Variants in ZNF736 observed in about 807,000 individuals in gnomAD.
The protein encoded by ZNF736 is zinc finger protein 736, also known as KRAB-containing zinc-finger repressor protein.
In ZNF736, 6 loss-of-function variants were observed where a neutral mutation model predicts 11.7. The ratio of observed to expected loss-of-function variants is 0.51; its 90% CI spans 0.28 to 1.01. The LOEUF is 1.01. ZNF736 is among the 50% of genes least tolerant of loss of function. ZNF736 has a pLI of 0.09. For missense variants in ZNF736, 444 were observed against 496.0 expected, an observed-to-expected ratio of 0.90 and a Z score of 1.00; for synonymous variants, 139 against 164.7, an observed-to-expected ratio of 0.84 and a Z score of 1.19.
At chr7:64,316,982 C>T (rs1324169668) in intron 1 of ZNF736, among the ~76,000 whole-genome samples, 4 of 152,134 alleles carry the variant, frequency 2.6e-5, no homozygotes, top group Non-Finnish European at 4.4e-5. Context: ...AAATACATTT[C>T]TACAAGAAAG....
At chr7:64,319,831 T>G (rs1467006224) in intron 1 of ZNF736, among the ~76,000 whole-genome samples, 1 of 152,072 alleles carries the variant, frequency 6.6e-6, no homozygotes, top group Non-Finnish European at 1.5e-5. Context: ...TTTCTAAAAT[T>G]TATCTTTTTC....
intron 1 of ZNF736, among the ~76,000 whole-genome samples, chr7:64,322,654 A>T (rs934643586): frequency 5.9e-5 from 9 of 152,246 alleles, no homozygotes; most frequent in African/African-American, 2.2e-4. Context: ...GTCAACTTTT[A>T]TAAGTTACAC....
At chr7:64,315,833 T>C (rs888565906) in intron 1 of ZNF736, among the ~76,000 whole-genome samples, 11 of 152,234 alleles carry the variant, frequency 7.2e-5, no homozygotes, top group African/African-American at 2.4e-4. Flanking sequence ...AATCACATTA[T>C]GAACTATCAG....
intron 1 of ZNF736, among the ~76,000 whole-genome samples, chr7:64,329,671 C>T (rs1789133136): frequency 6.6e-6 from 1 of 152,130 alleles, no homozygotes; most frequent in Admixed American, 6.5e-5. Flanking sequence ...ACACTAGCAC[C>T]CCTGTGGCCA....
chr7:64,316,650 G>T (rs534706542), intron 1 of ZNF736, among the ~76,000 whole-genome samples: 2 of 152,028 alleles, frequency 1.3e-5, no homozygotes, highest in Non-Finnish European at 2.9e-5. Context: ...ACTTCTCCCT[G>T]TGTTTGTCAC....
Position 64,349,245 on chromosome 7 carries a change from C to T in ZNF736, c.*98C>T. ...TATAAATGTAATGACAGTGGAAGAA[C>T]ATTTATCATCTTAGAGGGTCTCTAA... On this transcript the variant is annotated 3_prime_UTR_variant, in exon 4 of 4. Coordinates refer to ENST00000423484, the MANE Select transcript of ZNF736 (RefSeq NM_001170905.3). 9.0e-7 allele frequency: 1 copy of T among 1,105,044 alleles called. No individual in the cohort carries two copies. The highest frequency in any genetic ancestry group is 1.8e-5 in the South Asian group (1 of 56,906). The allele number at this position is 1,105,044 out of a possible 1,614,324, so 68.5% of individuals were successfully genotyped here.
chr7:64,327,671 G>A (rs908383384), intron 1 of ZNF736, among the ~76,000 whole-genome samples: 3 of 151,904 alleles, frequency 2.0e-5, no homozygotes, highest in Non-Finnish European at 2.9e-5. Flanking sequence ...CTAGTGGTAC[G>A]TTTTAATTTT....
chr7:64,328,808 T>G (rs1264965609), intron 1 of ZNF736, among the ~76,000 whole-genome samples: 1 of 152,190 alleles, frequency 6.6e-6, no homozygotes, highest in African/African-American at 2.4e-5. Context: ...GTGCTTGGTA[T>G]TCTATAACCT....
In ZNF736 at chr7:64,349,080, C is replaced by T. The variant is rs199665444; in HGVS notation, c.1217C>T (p.Ser406Leu). 1.5e-4 allele frequency: 240 copies of T among 1,600,656 alleles called. No homozygotes were observed. The highest frequency in any genetic ancestry group is 1.2e-4 in the African/African-American group (9 of 74,536). ...PYKCEECGKA[S>L]SWFSHLIRHK... ...AAATGTGAAGAATGTGGCAAAGCAT[C>T]GAGCTGGTTCTCACACCTCATCAGA... The change falls in exon 4 of 4, where the codon TCG (serine) becomes TTG (leucine). Residue 406 changes from serine to leucine, a missense_variant. Transcript: ENST00000423484.
At chr7:64,341,615 G>C (rs1052158213) in intron 3 of ZNF736, among the ~76,000 whole-genome samples, 11 of 152,100 alleles carry the variant, frequency 7.2e-5, no homozygotes, top group African/African-American at 2.7e-4. Flanking sequence ...GATACAAACT[G>C]TAATTCTCAT....
chr7:64,334,020 C>A (rs1166011803), intron 1 of ZNF736, among the ~76,000 whole-genome samples: 1 of 152,094 alleles, frequency 6.6e-6, no homozygotes, highest in Non-Finnish European at 1.5e-5. Context: ...CTTTGACAAA[C>A]CTGACAAAAA....
In ZNF736 at chr7:64,350,827, T is replaced by G. The variant is rs914736033; in HGVS notation, c.*1680T>G. ...GGTGGTGGTGGTGGGTGGGCAATGCTCAGCTCACAACTCAGAGGCTGCATA... is the reference window on the plus strand; with the variant it reads ...GGTGGTGGTGGTGGGTGGGCAATGCGCAGCTCACAACTCAGAGGCTGCATA... On this transcript the variant is annotated 3_prime_UTR_variant, in exon 4 of 4. Transcript: ENST00000423484. The G allele has an allele frequency of 1.3e-5, 2 of 150,252 alleles. No homozygotes were observed. Among genetic ancestry groups the G allele is most frequent in the African/African-American group, 4.9e-5 (2 of 40,692 alleles). The allele number at this position is 150,252 out of a possible 1,614,324, so 9.3% of individuals were successfully genotyped here. A position where few individuals can be genotyped will look rare whatever the true frequency, so the allele number is the denominator to read the frequency against.
At chr7:64,331,946 C>T (rs1789173590) in intron 1 of ZNF736, among the ~76,000 whole-genome samples, 1 of 151,872 alleles carries the variant, frequency 6.6e-6, no homozygotes, top group Non-Finnish European at 1.5e-5. Context: ...TGATAAAGAA[C>T]AAAGGCAGTC....
In ZNF736 at chr7:64,330,684, C is replaced by T. The variant is rs116484369; in HGVS notation, c.4-5575C>T. On this transcript the variant is annotated intron_variant, in intron 1 of 3. Transcript: ENST00000423484. ...TTGCACTGTACTGGGTCTCACCCGC[C>T]GAAGGGCTGCAGCAAGTTACTGCTT... Among the ~76,000 whole-genome samples, 988 of 152,228 alleles carry T rather than the reference C, an allele frequency of 6.5e-3. 11 individuals are homozygous for T. The highest frequency in any genetic ancestry group is 0.023 in the African/African-American group (936 of 41,524).
chr7:64,326,725 A>G (rs1470380016), intron 1 of ZNF736, among the ~76,000 whole-genome samples: 3 of 151,442 alleles, frequency 2.0e-5, no homozygotes, highest in Non-Finnish European at 4.4e-5. Flanking sequence ...CTTTCATTGT[A>G]TTCATAGTTT....
At chr7:64,335,555 C>T (rs1789235665) in intron 1 of ZNF736, among the ~76,000 whole-genome samples, 1 of 152,158 alleles carries the variant, frequency 6.6e-6, no homozygotes, top group African/African-American at 2.4e-5. Context: ...TTTCACTCTA[C>T]AGTTCATTAT....
At chr7:64,321,335 G>A (rs550595354) in intron 1 of ZNF736, among the ~76,000 whole-genome samples, 96 of 152,186 alleles carry the variant, frequency 6.3e-4, no homozygotes, top group Non-Finnish European at 9.0e-4. Flanking sequence ...TGGGATGAGA[G>A]AATTCACTCC....
At chr7:64,322,057 G>T (rs1422363715) in intron 1 of ZNF736, among the ~76,000 whole-genome samples, 7 of 151,958 alleles carry the variant, frequency 4.6e-5, no homozygotes, top group Non-Finnish European at 1.0e-4. Flanking sequence ...CAATGAAATA[G>T]CTGGATCATA....
chr7:64,318,754 A>G (rs1788951332), intron 1 of ZNF736, among the ~76,000 whole-genome samples: 1 of 152,188 alleles, frequency 6.6e-6, no homozygotes, highest in East Asian at 1.9e-4. Flanking sequence ...ATACACAAAG[A>G]CATTTATAGA....
Sources: allele counts gnomAD v4.1 joint callset (sites outside exome capture counted in the v4.1 genomes callset), GRCh38; gene constraint gnomAD v4.1.1; transcripts MANE v1.5; gene names NCBI Gene and HGNC (gene_info 2026-07-23, HGNC 2026-07-21).